BRSK2: variants seen among roughly 807,000 people sequenced by gnomAD.
The protein encoded by BRSK2 is serine/threonine-protein kinase BRSK2.
A neutral mutation model predicts 83.3 loss-of-function variants in BRSK2; 19 were observed. The ratio of observed to expected loss-of-function variants is 0.23; its 90% confidence interval spans 0.16 to 0.33. The LOEUF (loss-of-function observed/expected upper bound fraction) is 0.33. Among genes scored for constraint, BRSK2 ranks in the 10% least tolerant of loss-of-function variants. BRSK2 has a pLI of 1.00. For synonymous variants in BRSK2, 519 were observed against 435.4 expected (o/e 1.19, Z -2.39); for missense variants, 798 against 1,042.3 (o/e 0.77, Z 3.23).
At chr11:1,406,437 A>C (rs1309764889) in intron 1 of BRSK2, among the ~76,000 whole-genome samples, 1 of 152,226 alleles carries the variant, frequency 6.6e-6, no homozygotes. Flanking sequence ...ACGCCACTGC[A>C]CTCCAGCCTG....
chr11:1,413,572 C>T (rs1041644938), intron 1 of BRSK2, among the ~76,000 whole-genome samples: 2 of 152,266 alleles, frequency 1.3e-5, no homozygotes, highest in Non-Finnish European at 2.9e-5. Flanking sequence ...CCCAGTAGAA[C>T]TTCCCCAAGC....
intron 15 of BRSK2, among the ~76,000 whole-genome samples, chr11:1,451,868 G>C (rs1465514537): frequency 6.6e-6 from 1 of 152,180 alleles, no homozygotes; most frequent in East Asian, 1.9e-4. Context: ...TTTCTGAGCC[G>C]TGAGAGGTGC....
rs1453627636 is a variant in BRSK2 at position 1,443,352 on chromosome 11, C to T, written c.582C>T (p.Gly194=). Residue 194 remains glycine (G), a synonymous_variant, in exon 7 of 20, where the codon GGC becomes GGT. Coordinates refer to ENST00000528841, the MANE Select transcript of BRSK2 (RefSeq NM_001256627.2). ...GTCCACAGGGGGAGAAGTATGACGG[C>T]CGGAAGGCGGACGTGTGGAGCTGCG... The part of the protein sequence containing the change: ...PEVIRGEKYD[G]RKADVWSCGV... 6.2e-7 allele frequency: 1 copy of T among 1,608,450 alleles called. No homozygotes were observed. The highest frequency in any genetic ancestry group is 2.2e-5 in the East Asian group (1 of 44,696).
At chr11:1,398,276 G>C (rs1274760788) in intron 1 of BRSK2, among the ~76,000 whole-genome samples, 1 of 152,218 alleles carries the variant, frequency 6.6e-6, no homozygotes, top group Non-Finnish European at 1.5e-5. Flanking sequence ...TCGGCACCCT[G>C]AATCAGCTGC....
intron 12 of BRSK2, among the ~76,000 whole-genome samples, chr11:1,446,158 A>AGCTGGGCTGGCCTGGGCTGG (rs1852074197): frequency 7.4e-6 from 1 of 134,852 alleles, no homozygotes; most frequent in Admixed American, 7.6e-5. Flanking sequence ...GGCTAGGCTG[A>AGCTGGGCTGGCCTGGGCTGG]GCTGGGCTGG....
At chr11:1,451,552 C>T (rs1478964109) in intron 15 of BRSK2, 133 bp downstream of exon 15, 21 of 924,040 alleles carry the variant, frequency 2.3e-5, no homozygotes, top group South Asian at 8.5e-5. Context: ...CAGGCAGGCC[C>T]GTCTCGGCCA....
At position 1,461,158 on chromosome 11, in the gene BRSK2, G is replaced by A. The variant is rs555063717; in HGVS notation, c.*435G>A. ...GCACGGCCCGTGGGAGGAAGGCCAG[G>A]CTCGGGGGAGCCTCCTCCAGCCCGG... On this transcript the variant is annotated 3_prime_UTR_variant, in exon 20 of 20. Coordinates refer to ENST00000528841, the MANE Select transcript of BRSK2 (RefSeq NM_001256627.2). 2.9e-6 allele frequency: 3 copies of A among 1,032,996 alleles called. No individual in the cohort carries two copies. Among genetic ancestry groups the A allele is most frequent in the Admixed American group, 5.9e-5 (2 of 34,026 alleles). The allele number at this position is 1,032,996 out of a possible 1,614,324, so 64.0% of individuals were successfully genotyped here. A position where few individuals can be genotyped will look rare whatever the true frequency, so the allele number is the denominator to read the frequency against.
intron 1 of BRSK2, among the ~76,000 whole-genome samples, chr11:1,395,723 C>T (rs185590588): frequency 2.2e-3 from 335 of 150,972 alleles, no homozygotes; most frequent in Non-Finnish European, 3.4e-3. Context: ...CGGCCCTGAT[C>T]GTGCTGGCCG....
At position 1,460,803 on chromosome 11, in the gene BRSK2, C is replaced by G; in HGVS notation, c.*80C>G. On this transcript the variant is annotated 3_prime_UTR_variant, in exon 20 of 20. Coordinates refer to ENST00000528841, the MANE Select transcript of BRSK2 (RefSeq NM_001256627.2). ...CCGCCCGCCCTGCCCCGAGTGGACCCGCGGCCGCGCCGCCCGTCCGTCCAG... is the reference window on the plus strand; with the variant it reads ...CCGCCCGCCCTGCCCCGAGTGGACCGGCGGCCGCGCCGCCCGTCCGTCCAG... The G allele has an allele frequency of 2.0e-6, 3 of 1,474,372 alleles. No homozygotes were observed. Among genetic ancestry groups the G allele is most frequent in the Non-Finnish European group, 2.7e-6 (3 of 1,122,558 alleles). The allele number at this position is 1,474,372 out of a possible 1,614,324, so 91.3% of individuals were successfully genotyped here. A position where few individuals can be genotyped will look rare whatever the true frequency, so the allele number is the denominator to read the frequency against.
intron 12 of BRSK2, among the ~76,000 whole-genome samples, chr11:1,449,061 G>A (rs749910465): frequency 5.9e-5 from 9 of 152,234 alleles, no homozygotes; most frequent in Non-Finnish European, 1.0e-4. Flanking sequence ...GCACGTGGGC[G>A]CCGGCTCGTC....
At chr11:1,396,211 ACTCCTGGTCCCTCTTCCCTTCCACCCACG>A in intron 1 of BRSK2, among the ~76,000 whole-genome samples, 1 of 72,548 alleles carries the variant, frequency 1.4e-5, no homozygotes, top group African/African-American at 7.1e-5. Flanking sequence ...CACGTCCCCC[ACTCCTGGTCCCTCTTCCCTTCCACCCACG>A]TCCCCCACTC....
intron 1 of BRSK2, among the ~76,000 whole-genome samples, chr11:1,416,060 T>C (rs1192133152): frequency 2.0e-5 from 3 of 152,258 alleles, no homozygotes; most frequent in Non-Finnish European, 4.4e-5. Context: ...AGGGCTCACC[T>C]GGTGCACGGG....
chr11:1,442,433 G>C, intron 4 of BRSK2, 57 bp from the exon 5 acceptor site: 1 of 1,399,936 alleles, frequency 7.1e-7, no homozygotes, highest in Non-Finnish European at 1.0e-6. Flanking sequence ...TCTCCAGGGC[G>C]GGGAGGCGCT....
intron 12 of BRSK2, chr11:1,447,666 C>T: frequency 1.2e-6 from 1 of 821,836 alleles, no homozygotes; most frequent in South Asian, 1.5e-5. Flanking sequence ...CCAGCCTCCT[C>T]TCTCGCCATC....
At chr11:1,418,549 G>C (rs1848341028) in intron 1 of BRSK2, among the ~76,000 whole-genome samples, 1 of 147,970 alleles carries the variant, frequency 6.8e-6, no homozygotes, top group African/African-American at 2.5e-5. Flanking sequence ...TCTGTTGGCT[G>C]TTTCTTCTCT....
intron 8 of BRSK2, among the ~76,000 whole-genome samples, chr11:1,444,046 G>T (rs1218844511): frequency 1.3e-5 from 2 of 152,036 alleles, no homozygotes; most frequent in Non-Finnish European, 2.9e-5. Flanking sequence ...GGGGAGGTGT[G>T]TCCAGGTGCT....
chr11:1,458,071 C>A (rs187113249), intron 18 of BRSK2, among the ~76,000 whole-genome samples: 1 of 152,140 alleles, frequency 6.6e-6, no homozygotes, highest in Non-Finnish European at 1.5e-5. Context: ...GAAGGGAAAC[C>A]GAGGCCAGGG....
At chr11:1,436,762 C>A (rs1430601005) in intron 2 of BRSK2, among the ~76,000 whole-genome samples, 3 of 152,090 alleles carry the variant, frequency 2.0e-5, no homozygotes, top group African/African-American at 7.2e-5. Flanking sequence ...TGCGACCCTC[C>A]CAGCACTGGG....
Position 1,390,945 on chromosome 11 carries a change from G to A in BRSK2, c.91+570G>A, listed in dbSNP as rs962296655. Among the ~76,000 whole-genome samples, 2 of 152,208 alleles carry A rather than the reference G, an allele frequency of 1.3e-5. No individual in the cohort carries two copies. Among genetic ancestry groups the A allele is most frequent in the Admixed American group, 1.3e-4 (2 of 15,292 alleles). On this transcript the variant is annotated intron_variant, in intron 1 of 19. Transcript: ENST00000528841. The surrounding 1 kb of genome is among the most constrained non-coding windows in gnomAD (Gnocchi z 6.8). Reference sequence around the variant, plus strand: ...GCTGCTCCGGCTCGGGCTCGGGCGGGCGGAGCGTCTGTGACCTGCATTCCC... The same window carrying A: ...GCTGCTCCGGCTCGGGCTCGGGCGGACGGAGCGTCTGTGACCTGCATTCCC...
Sources: allele counts gnomAD v4.1 joint callset (sites outside exome capture counted in the v4.1 genomes callset), GRCh38; gene constraint gnomAD v4.1.1; non-coding constraint Gnocchi (gnomAD v3.1); transcripts MANE v1.5; gene names NCBI Gene and HGNC (gene_info 2026-07-23, HGNC 2026-07-21).